Variants in ZNF804B observed in about 807,000 individuals in gnomAD.
ZNF804B encodes zinc finger protein 804B.
Under a neutral mutation model 101.4 loss-of-function variants are expected in ZNF804B, and 80 were observed. The ratio of observed to expected loss-of-function variants is 0.79; its 90% CI spans 0.66 to 0.95. The LOEUF (loss-of-function observed/expected upper bound fraction) is 0.95. Among genes scored for constraint, ZNF804B ranks in the 40% least tolerant of loss-of-function variants. ZNF804B has a pLI of 0.00. For synonymous variants in ZNF804B, 622 were observed against 558.8 expected, an observed-to-expected ratio of 1.11 and a Z score of -1.59; for missense variants, 1,673 against 1,561.9, an observed-to-expected ratio of 1.07 and a Z score of -1.20.
At chr7:88,822,502 A>T (rs1291897109) in intron 1 of ZNF804B, among the ~76,000 whole-genome samples, 1 of 152,202 alleles carries the variant, frequency 6.6e-6, no homozygotes, top group Non-Finnish European at 1.5e-5. Context: ...TTGGGAAAGT[A>T]TGGGCAGAAA....
intron 2 of ZNF804B, among the ~76,000 whole-genome samples, chr7:89,282,804 G>A (rs1392353825): frequency 6.6e-6 from 1 of 152,148 alleles, no homozygotes; most frequent in Middle Eastern, 3.2e-3. Context: ...CACAAGCCAG[G>A]GAATGCCAGC....
chr7:88,863,837 A>C (rs1011832402), intron 1 of ZNF804B, among the ~76,000 whole-genome samples: 8 of 152,204 alleles, frequency 5.3e-5, no homozygotes, highest in African/African-American at 1.9e-4. Context: ...TGGCAGTTGG[A>C]AGAAGAAGAC....
At chr7:89,183,312 T>C (rs1788327223) in intron 1 of ZNF804B, among the ~76,000 whole-genome samples, 1 of 152,028 alleles carries the variant, frequency 6.6e-6, no homozygotes. Context: ...AATTAAACAT[T>C]TGTATGTTGT....
At chr7:89,167,370 G>A (rs1185665716) in intron 1 of ZNF804B, among the ~76,000 whole-genome samples, 7 of 151,928 alleles carry the variant, frequency 4.6e-5, no homozygotes, top group Admixed American at 4.6e-4. Context: ...TGGAACCCGG[G>A]AGGTGGAGGT....
chr7:89,087,902 AGAAAATCTCTG>A (rs1449384452), intron 1 of ZNF804B, among the ~76,000 whole-genome samples: 1 of 151,830 alleles, frequency 6.6e-6, no homozygotes, highest in Admixed American at 6.6e-5. Flanking sequence ...ATGTTCAATT[AGAAAATCTCTG>A]GAAATAAAGA....
chr7:89,059,423 A>C (rs933762562), intron 1 of ZNF804B, among the ~76,000 whole-genome samples: 1 of 152,154 alleles, frequency 6.6e-6, no homozygotes, highest in Non-Finnish European at 1.5e-5. Flanking sequence ...GGCGTGTCAC[A>C]TGGCAAGAGT....
chr7:89,109,123 A>T (rs1393953122), intron 1 of ZNF804B, among the ~76,000 whole-genome samples: 1 of 152,016 alleles, frequency 6.6e-6, no homozygotes, highest in African/African-American at 2.4e-5. Context: ...ACCTAGAATA[A>T]ATCACGCATT....
chr7:89,008,039 T>G (rs1788395963), intron 1 of ZNF804B, among the ~76,000 whole-genome samples: 1 of 152,146 alleles, frequency 6.6e-6, no homozygotes, highest in South Asian at 2.1e-4. Context: ...TAACTTCTAC[T>G]TTTACATTAG....
At chr7:88,882,991 C>T (rs1792066209) in intron 1 of ZNF804B, among the ~76,000 whole-genome samples, 1 of 151,776 alleles carries the variant, frequency 6.6e-6, no homozygotes, top group Non-Finnish European at 1.5e-5. Context: ...CACATGTACC[C>T]CCTGAATCTA....
chr7:89,295,069 A>G (rs1790360331), intron 2 of ZNF804B, among the ~76,000 whole-genome samples: 1 of 151,830 alleles, frequency 6.6e-6, no homozygotes, highest in Admixed American at 6.6e-5. Flanking sequence ...CCTGCTGCCT[A>G]TTCTTTGGGT....
intron 1 of ZNF804B, chr7:88,794,888 G>T (rs1247495994): frequency 3.7e-6 from 6 of 1,611,062 alleles, no homozygotes; most frequent in African/African-American, 1.3e-5. Flanking sequence ...AAAAGAAGAG[G>T]TTCCAGTGGC....
At chr7:89,247,812 A>C (rs1789474409) in intron 2 of ZNF804B, among the ~76,000 whole-genome samples, 1 of 152,170 alleles carries the variant, frequency 6.6e-6, no homozygotes, top group African/African-American at 2.4e-5. Flanking sequence ...AAGGAAGCTC[A>C]ACAAGATCCA....
intron 1 of ZNF804B, among the ~76,000 whole-genome samples, chr7:88,941,228 C>T (rs1793050117): frequency 6.6e-6 from 1 of 151,946 alleles, no homozygotes; most frequent in Non-Finnish European, 1.5e-5. Context: ...ACTAAGTGTG[C>T]TCTTACCATA....
chr7:89,244,883 A>C (rs928521164), intron 2 of ZNF804B, among the ~76,000 whole-genome samples: 1 of 152,170 alleles, frequency 6.6e-6, no homozygotes, highest in African/African-American at 2.4e-5. Context: ...AGTATAATTC[A>C]CAATCTTTAT....
At chr7:89,184,519 A>G (rs930463252) in intron 1 of ZNF804B, among the ~76,000 whole-genome samples, 5 of 152,160 alleles carry the variant, frequency 3.3e-5, no homozygotes, top group African/African-American at 1.2e-4. Flanking sequence ...TAAGTTCTTT[A>G]TCAGTTTCGT....
intron 1 of ZNF804B, among the ~76,000 whole-genome samples, chr7:88,804,954 T>C (rs1209177745): frequency 6.6e-6 from 1 of 152,174 alleles, no homozygotes; most frequent in Non-Finnish European, 1.5e-5. Flanking sequence ...GAAAAATGTG[T>C]ACTCATGAAA....
At chr7:88,854,414 C>CCTTTCTTTCTTTTTCTTT (rs1791502962) in intron 1 of ZNF804B, among the ~76,000 whole-genome samples, 1 of 57,076 alleles carries the variant, frequency 1.8e-5, no homozygotes, top group African/African-American at 6.3e-5. Flanking sequence ...TTTCTTTCTT[C>CCTTTCTTTCTTTTTCTTT]CTTTCTTTCT....
At chr7:89,217,178 G>T (rs913511295) in intron 1 of ZNF804B, among the ~76,000 whole-genome samples, 1 of 152,136 alleles carries the variant, frequency 6.6e-6, no homozygotes, top group Non-Finnish European at 1.5e-5. Flanking sequence ...TCTGGTAATA[G>T]AATTAAAGAG....
intron 1 of ZNF804B, among the ~76,000 whole-genome samples, chr7:88,950,121 C>T (rs1433436887): frequency 6.6e-6 from 1 of 151,906 alleles, no homozygotes; most frequent in African/African-American, 2.4e-5. Context: ...TTAGGATTTT[C>T]TACTTGGACA....
Sources: gnomAD v4.1 joint callset for allele counts (sites outside exome capture counted in the v4.1 genomes callset) on GRCh38, gnomAD v4.1.1 for gene constraint, MANE v1.5 for transcripts, NCBI Gene and HGNC (gene_info 2026-07-23, HGNC 2026-07-21) for gene names.